The following TRPM8 variants were observed in gnomAD, a reference collection of about 807,000 sequenced individuals.
TRPM8 encodes the protein transient receptor potential cation channel subfamily M member 8.
A neutral mutation model predicts 133.7 loss-of-function variants in TRPM8; 110 were observed. The observed-to-expected ratio is 0.82, with a 90% CI of 0.70 to 0.96. The LOEUF (loss-of-function observed/expected upper bound fraction) is 0.96. Among genes scored for constraint, TRPM8 ranks in the 40% least tolerant of loss-of-function variants. The probability of loss-of-function intolerance (pLI) is 0.00; values close to 1 mark genes in which losing one functional copy is unlikely to be tolerated. For synonymous variants in TRPM8, 535 were observed against 532.3 expected (o/e 1.01, Z -0.07); for missense variants, 1,291 against 1,379.5 (o/e 0.94, Z 1.02).
chr2:233,988,187 A>C (rs1400953090), intron 21 of TRPM8, among the ~76,000 whole-genome samples: 2 of 152,040 alleles, frequency 1.3e-5, no homozygotes, highest in Admixed American at 1.3e-4. Context: ...GCTCCTCTTT[A>C]AACAGGGTGA....
intron 2 of TRPM8, among the ~76,000 whole-genome samples, chr2:233,928,052 C>T (rs1400852382): frequency 4.7e-5 from 7 of 148,880 alleles, no homozygotes; most frequent in Non-Finnish European, 8.9e-5. Flanking sequence ...TCACTGCAAA[C>T]TCCACCTCCC....
At chr2:233,952,214 G>A (rs1055640798) in intron 9 of TRPM8, among the ~76,000 whole-genome samples, 1 of 152,132 alleles carries the variant, frequency 6.6e-6, no homozygotes, top group Non-Finnish European at 1.5e-5. Context: ...AAAGAATTGC[G>A]TACACGACAG....
chr2:233,952,185 T>C (rs1691185696), intron 9 of TRPM8, among the ~76,000 whole-genome samples: 1 of 152,200 alleles, frequency 6.6e-6, no homozygotes, highest in Non-Finnish European at 1.5e-5. Flanking sequence ...CGTGCCGGGT[T>C]CTGAAATAGG....
At position 233,964,614 on chromosome 2, in the gene TRPM8, A is replaced by G; in HGVS notation, c.1750-14A>G. The G allele has an allele frequency of 6.8e-7, 1 of 1,479,228 alleles. No homozygotes were observed. 91.6% of individuals were successfully genotyped at this position (1,479,228 alleles called of 1,614,324 possible). Reference sequence around the variant, plus strand: ...AAAAGAATTAACCTTAAAATTCTTCACCCCCCTAAAAAGACCAGGGGCTGC... The same window carrying G: ...AAAAGAATTAACCTTAAAATTCTTCGCCCCCCTAAAAAGACCAGGGGCTGC... On this transcript the variant is annotated splice_polypyrimidine_tract_variant and intron_variant, in intron 13 of 25. Transcript: ENST00000324695.
At chr2:233,947,795 TTTTA>T (rs1691082131) in intron 8 of TRPM8, among the ~76,000 whole-genome samples, 1 of 152,324 alleles carries the variant, frequency 6.6e-6, no homozygotes, top group South Asian at 2.1e-4. Context: ...AATCAAAACC[TTTTA>T]TTTATTTATT....
chr2:233,946,829 G>C (rs1319811429), intron 7 of TRPM8, among the ~76,000 whole-genome samples: 1 of 152,238 alleles, frequency 6.6e-6, no homozygotes, highest in Admixed American at 6.5e-5. Context: ...GGTAAATCAT[G>C]CACAGGCTTT....
At chr2:233,923,878 A>C (rs559134625) in intron 1 of TRPM8, among the ~76,000 whole-genome samples, 1 of 152,366 alleles carries the variant, frequency 6.6e-6, no homozygotes, top group Non-Finnish European at 1.5e-5. Flanking sequence ...AGAGGCTTAC[A>C]ATCAATGTGA....
intron 17 of TRPM8, among the ~76,000 whole-genome samples, chr2:233,975,742 C>A (rs561669525): frequency 5.9e-4 from 90 of 152,292 alleles, no homozygotes; most frequent in African/African-American, 2.1e-3. Flanking sequence ...ATTAGCCGGG[C>A]ATGGTGGCGC....
At chr2:233,919,659 T>C (rs1396795783) in intron 1 of TRPM8, among the ~76,000 whole-genome samples, 1 of 151,724 alleles carries the variant, frequency 6.6e-6, no homozygotes, top group East Asian at 2.0e-4. Context: ...GGATCCATCT[T>C]GCCATGTGTT....
At chr2:234,012,494 TGTGA>T (rs1253753548) in intron 24 of TRPM8, among the ~76,000 whole-genome samples, 5 of 151,978 alleles carry the variant, frequency 3.3e-5, no homozygotes, top group South Asian at 2.1e-4. Flanking sequence ...TGTGTGTGTG[TGTGA>T]GTGTGTGTAG....
intron 17 of TRPM8, among the ~76,000 whole-genome samples, chr2:233,972,477 A>T (rs1001429994): frequency 2.6e-5 from 4 of 152,192 alleles, no homozygotes; most frequent in Non-Finnish European, 4.4e-5. Context: ...CGCACTCCTC[A>T]GCCCTTGGGT....
At chr2:233,924,099 A>G (rs1030406459) in intron 1 of TRPM8, among the ~76,000 whole-genome samples, 1 of 152,166 alleles carries the variant, frequency 6.6e-6, no homozygotes, top group Non-Finnish European at 1.5e-5. Flanking sequence ...AGCTTCTCAC[A>G]AGTTCCTCCT....
At chr2:233,947,840 G>A (rs1023654438) in intron 8 of TRPM8, among the ~76,000 whole-genome samples, 6 of 152,148 alleles carry the variant, frequency 3.9e-5, no homozygotes, top group Non-Finnish European at 5.9e-5. Context: ...AGGGGTATAT[G>A]TGTAGGTTTT....
chr2:233,928,996 T>C (rs1455668332), intron 2 of TRPM8, among the ~76,000 whole-genome samples: 1 of 132,130 alleles, frequency 7.6e-6, no homozygotes, highest in Non-Finnish European at 1.5e-5. Context: ...GAGTTTCTTT[T>C]CTTTTTTTTT....
chr2:234,010,047 T>C (rs1052172144), intron 24 of TRPM8, among the ~76,000 whole-genome samples: 1 of 152,216 alleles, frequency 6.6e-6, no homozygotes, highest in Non-Finnish European at 1.5e-5. Flanking sequence ...TGTTGTTAAC[T>C]ATTGTCACCA....
At chr2:234,016,206 T>G (rs1195948660) in intron 25 of TRPM8, among the ~76,000 whole-genome samples, 2 of 151,536 alleles carry the variant, frequency 1.3e-5, no homozygotes, top group South Asian at 2.1e-4. Flanking sequence ...TGTGTGTGTG[T>G]GGGTGTAGAC....
intron 1 of TRPM8, among the ~76,000 whole-genome samples, chr2:233,921,676 T>TC: frequency 7.6e-6 from 1 of 131,168 alleles, no homozygotes; most frequent in East Asian, 2.3e-4. Flanking sequence ...TCTTTTCTTT[T>TC]CTTTTTTTTT....
intron 1 of TRPM8, among the ~76,000 whole-genome samples, chr2:233,918,928 G>A (rs1231199897): frequency 3.3e-5 from 5 of 152,168 alleles, no homozygotes; most frequent in Non-Finnish European, 7.4e-5. Flanking sequence ...CTCAAAGAGT[G>A]GAGATGGCTG....
intron 21 of TRPM8, among the ~76,000 whole-genome samples, chr2:233,987,565 G>A: frequency 6.6e-6 from 1 of 152,206 alleles, no homozygotes; most frequent in East Asian, 1.9e-4. Context: ...GGGCTGAGCA[G>A]TGTGTGGCCA....
Sources: allele counts gnomAD v4.1 joint callset (sites outside exome capture counted in the v4.1 genomes callset), GRCh38; gene constraint gnomAD v4.1.1; transcripts MANE v1.5; gene names NCBI Gene and HGNC (gene_info 2026-07-23, HGNC 2026-07-21).